CDK8: variants seen among roughly 807,000 people sequenced by gnomAD.
The protein encoded by CDK8 is cyclin dependent kinase 8.
CDK8 carries 29 observed loss-of-function variants against 71.5 expected under a neutral mutation model. That is an observed-to-expected ratio of 0.41 (90% confidence interval 0.30 to 0.55). The LOEUF is 0.55. CDK8 is among the 20% of genes least tolerant of loss of function. The probability of loss-of-function intolerance (pLI) is 0.37; values close to 1 mark genes in which losing one functional copy is unlikely to be tolerated. For missense variants in CDK8, 288 were observed against 572.6 expected, an observed-to-expected ratio of 0.50 and a Z score of 5.07; for synonymous variants, 161 against 192.1, an observed-to-expected ratio of 0.84 and a Z score of 1.34.
In CDK8 at chr13:26,390,160, A is replaced by G. The variant is rs142467933; in HGVS notation, c.647-3207A>G. 2.7e-3 allele frequency among the ~76,000 whole-genome samples: 415 copies of G among 152,352 alleles called. 4 individuals are homozygous for G. The highest frequency in any genetic ancestry group is 9.5e-3 in the African/African-American group (397 of 41,584). ...TCTCACACCACCATTAAAGCTGCTT[A>G]CCAAGAACTTCCCCAGCATTTTGAC... On this transcript the variant is annotated intron_variant, in intron 6 of 12. Transcript: ENST00000381527.
At chr13:26,280,717 A>G (rs1872711950) in intron 1 of CDK8, among the ~76,000 whole-genome samples, 1 of 152,174 alleles carries the variant, frequency 6.6e-6, no homozygotes, top group African/African-American at 2.4e-5. Flanking sequence ...GTTGAATATA[A>G]AATGTATACA....
intron 1 of CDK8, among the ~76,000 whole-genome samples, chr13:26,283,998 CTG>C (rs1035542383): frequency 6.6e-6 from 1 of 151,766 alleles, no homozygotes; most frequent in African/African-American, 2.4e-5. Flanking sequence ...ACCATCAAAA[CTG>C]TACAAATACA....
rs543947223 is a variant in CDK8 at position 26,324,754 on chromosome 13, A to AT, written c.129-12804dup. On this transcript the variant is annotated intron_variant, in intron 1 of 12. Coordinates refer to ENST00000381527, the MANE Select transcript of CDK8 (RefSeq NM_001260.3). Reference sequence around the variant, plus strand: ...ATTCTTGAAGATCCAATAAGTTTAAATTTTTTTTTCTTAATAGAGTTGTTA... The same window carrying AT: ...ATTCTTGAAGATCCAATAAGTTTAAATTTTTTTTTTCTTAATAGAGTTGTTA... 3.5e-3 allele frequency: 1,997 copies of AT among 566,570 alleles called. 13 individuals are homozygous for AT. Among genetic ancestry groups the AT allele is most frequent in the African/African-American group, 0.021 (1,050 of 49,168 alleles). 35.1% of individuals were successfully genotyped at this position (566,570 alleles called of 1,614,324 possible).
intron 6 of CDK8, among the ~76,000 whole-genome samples, chr13:26,392,997 C>T (rs1253526795): frequency 2.0e-5 from 3 of 152,026 alleles, no homozygotes; most frequent in African/African-American, 7.2e-5. Flanking sequence ...GTTGTAGTTC[C>T]CATGCTCCAT....
At chr13:26,344,803 T>C (rs757337104) in intron 2 of CDK8, among the ~76,000 whole-genome samples, 3 of 151,812 alleles carry the variant, frequency 2.0e-5, no homozygotes, top group Non-Finnish European at 4.4e-5. Flanking sequence ...TCTCCTAGGA[T>C]AACAGTACCT....
At chr13:26,281,592 TCCCC>T in intron 1 of CDK8, among the ~76,000 whole-genome samples, 1 of 152,232 alleles carries the variant, frequency 6.6e-6, no homozygotes, top group African/African-American at 2.4e-5. Flanking sequence ...TTCTATAACA[TCCCC>T]AAAAGACCAC....
chr13:26,345,253 A>G (rs370403702), intron 2 of CDK8, among the ~76,000 whole-genome samples: 1 of 152,242 alleles, frequency 6.6e-6, no homozygotes, highest in East Asian at 1.9e-4. Context: ...AGTTCAGTCC[A>G]TAACACTATT....
chr13:26,361,021 A>G (rs1874115238), intron 4 of CDK8, among the ~76,000 whole-genome samples: 1 of 152,138 alleles, frequency 6.6e-6, no homozygotes. Flanking sequence ...CTTATACGCA[A>G]TATTTTTGTT....
intron 12 of CDK8, among the ~76,000 whole-genome samples, chr13:26,403,074 T>C (rs1356984082): frequency 6.6e-6 from 1 of 152,206 alleles, no homozygotes; most frequent in Non-Finnish European, 1.5e-5. Context: ...ATGGGAATAA[T>C]AATCTAACAT....
At chr13:26,382,925 G>A (rs1875300725) in intron 5 of CDK8, 54 bp downstream of exon 5, 6 of 1,165,312 alleles carry the variant, frequency 5.1e-6, no homozygotes, top group African/African-American at 1.5e-5. Context: ...AACTTTTGCA[G>A]GCAGCTATAT....
Position 26,404,986 on chromosome 13 carries a change from A to C in CDK8, c.*905A>C, listed in dbSNP as rs1876444721. The C allele has an allele frequency of 5.1e-6, 1 of 195,958 alleles. No individual in the cohort carries two copies. Among genetic ancestry groups the C allele is most frequent in the Non-Finnish European group, 1.1e-5 (1 of 94,364 alleles). 12.1% of individuals were successfully genotyped at this position (195,958 alleles called of 1,614,324 possible). Reference sequence around the variant, plus strand: ...TCCTGATTTTAAAGCTGGTTGGTGTAGTGCTATTAAAATTTCGTTCAGTTA... The same window carrying C: ...TCCTGATTTTAAAGCTGGTTGGTGTCGTGCTATTAAAATTTCGTTCAGTTA... On this transcript the variant is annotated 3_prime_UTR_variant, in exon 13 of 13. Coordinates refer to ENST00000381527, the MANE Select transcript of CDK8 (RefSeq NM_001260.3).
rs551768786 is a variant in CDK8, at chr13:26,269,861, A to ATTAT, written c.128+15111_128+15114dup. On this transcript the variant is annotated intron_variant, in intron 1 of 12. Coordinates refer to ENST00000381527, the MANE Select transcript of CDK8 (RefSeq NM_001260.3). ...AGATAGCATTTGCTACTAGTTACTTATTATTTATTTATTTATTTATTTTTT... is the reference window on the plus strand; with the variant it reads ...AGATAGCATTTGCTACTAGTTACTTATTATTTATTTATTTATTTATTTATTTTTT... Among the ~76,000 whole-genome samples the ATTAT allele has an allele frequency of 1.6e-4, 24 of 152,058 alleles. No homozygotes were observed. In the East Asian group the frequency reaches 1.9e-3, roughly 12 times the overall value.
chr13:26,383,580 A>G (rs17538850), intron 5 of CDK8, among the ~76,000 whole-genome samples: 52,138 of 152,026 alleles, frequency 0.34, 9,397 homozygotes, highest in East Asian at 0.54. Flanking sequence ...TGTAGAAGAA[A>G]TGTTTAAATT....
chr13:26,284,762 A>G (rs922144032), intron 1 of CDK8, among the ~76,000 whole-genome samples: 22 of 152,074 alleles, frequency 1.4e-4, no homozygotes, highest in African/African-American at 5.3e-4. Flanking sequence ...CTCCCCAAAT[A>G]AGTCTTTGAA....
intron 2 of CDK8, among the ~76,000 whole-genome samples, chr13:26,338,361 A>G (rs182931381): frequency 3.0e-4 from 45 of 152,204 alleles, no homozygotes; most frequent in African/African-American, 1.1e-3. Flanking sequence ...ATGACCTGGA[A>G]ATGTTAAACA....
chr13:26,305,766 A>G (rs1874016732), intron 1 of CDK8, among the ~76,000 whole-genome samples: 1 of 152,274 alleles, frequency 6.6e-6, no homozygotes, highest in Non-Finnish European at 1.5e-5. Context: ...TACAGTTGCT[A>G]TATTTTACAG....
chr13:26,318,479 A>G (rs1042121702), intron 1 of CDK8, among the ~76,000 whole-genome samples: 3 of 152,208 alleles, frequency 2.0e-5, no homozygotes, highest in Admixed American at 6.5e-5. Flanking sequence ...GACAAACACT[A>G]TAAGAAAAAC....
At chr13:26,373,446 A>G (rs961006630) in intron 4 of CDK8, among the ~76,000 whole-genome samples, 1 of 149,624 alleles carries the variant, frequency 6.7e-6, no homozygotes, top group Non-Finnish European at 1.5e-5. Context: ...TATCAAGAAT[A>G]AAAAAAAAAT....
At chr13:26,285,202 A>G (rs953462779) in intron 1 of CDK8, among the ~76,000 whole-genome samples, 1 of 152,186 alleles carries the variant, frequency 6.6e-6, no homozygotes, top group South Asian at 2.1e-4. Flanking sequence ...ACTGCACCCC[A>G]GTCTGGGCAA....
Sources: allele counts gnomAD v4.1 joint callset (sites outside exome capture counted in the v4.1 genomes callset), GRCh38; gene constraint gnomAD v4.1.1; transcripts MANE v1.5; gene names NCBI Gene and HGNC (gene_info 2026-07-23, HGNC 2026-07-21).